The following THSD4 variants were observed in gnomAD, a reference collection of about 807,000 sequenced individuals.
The protein encoded by THSD4 is thrombospondin type-1 domain-containing protein 4.
THSD4 carries 69 observed loss-of-function variants against 119.0 expected under a neutral mutation model. The ratio of observed to expected loss-of-function variants is 0.58; its 90% CI spans 0.48 to 0.71. The LOEUF (loss-of-function observed/expected upper bound fraction) is 0.71, where lower values mean the gene tolerates loss of function less well. Among genes scored for constraint, THSD4 ranks in the 30% least tolerant of loss-of-function variants. THSD4 has a pLI of 0.00. For synonymous variants in THSD4, 524 were observed against 540.4 expected (o/e 0.97, Z 0.42); for missense variants, 1,393 against 1,391.1 (o/e 1.00, Z -0.02).
At chr15:71,577,105 A>C (rs2049463103) in intron 7 of THSD4, among the ~76,000 whole-genome samples, 2 of 147,316 alleles carry the variant, frequency 1.4e-5, no homozygotes, top group Admixed American at 6.8e-5. Context: ...AAAAAAAAAA[A>C]CCTTTAGTAC....
At chr15:71,217,701 A>T (rs1476766790) in intron 4 of THSD4, among the ~76,000 whole-genome samples, 1 of 152,052 alleles carries the variant, frequency 6.6e-6, no homozygotes, top group African/African-American at 2.4e-5. Context: ...GGAAAGACAA[A>T]TCTTGATTTT....
In THSD4 at chr15:71,511,125, A is replaced by G. The variant is rs574107260; in HGVS notation, c.1152+99302A>G. 6.6e-5 allele frequency among the ~76,000 whole-genome samples: 10 copies of G among 152,200 alleles called. No homozygotes were observed. The South Asian group carries it at 2.1e-3, about 32-fold the overall frequency. ...GTGGCTTCTGTCTTCAGCAGAGCCA[A>G]TCAAATGGAAAGGGCACCAAATAAT... On this transcript the variant is annotated intron_variant, in intron 7 of 17. Transcript: ENST00000261862.
chr15:71,410,565 T>C (rs1426538415), intron 6 of THSD4, among the ~76,000 whole-genome samples: 1 of 152,142 alleles, frequency 6.6e-6, no homozygotes, highest in African/African-American at 2.4e-5. Context: ...GCTATAAAGG[T>C]AGGCGAGGTT....
chr15:71,514,537 T>G (rs1483804747), intron 7 of THSD4, among the ~76,000 whole-genome samples: 1 of 152,242 alleles, frequency 6.6e-6, no homozygotes, highest in Non-Finnish European at 1.5e-5. Context: ...AACATAATGT[T>G]TCTGAGATCC....
chr15:71,592,405 C>T (rs1193845259), intron 7 of THSD4, among the ~76,000 whole-genome samples: 1 of 152,158 alleles, frequency 6.6e-6, no homozygotes, highest in African/African-American at 2.4e-5. Flanking sequence ...CCCTGCCGCC[C>T]CAGGAATTGA....
rs200892599 is a variant in THSD4 at position 71,560,970 on chromosome 15, C to CATTTTTT, written c.1153-99560_1153-99559insATTTTTT. Among the ~76,000 whole-genome samples, 2 of 123,990 alleles carry CATTTTTT rather than the reference C, an allele frequency of 1.6e-5. 1 individual carries two copies. The highest frequency in any genetic ancestry group is 3.4e-5 in the Non-Finnish European group (2 of 59,278). The allele number at this position is 123,990 out of a possible 152,430, so 81.3% of individuals were successfully genotyped here. ...GTTCACTAAGCATCATTCTCTTTAT[C>CATTTTTT]TTTTTTTTTTTTTTTTTTTTTTGAG... On this transcript the variant is annotated intron_variant, in intron 7 of 17. Coordinates refer to ENST00000261862, the MANE Select transcript of THSD4 (RefSeq NM_024817.3).
At chr15:71,245,682 C>A (rs183618638) in intron 5 of THSD4, among the ~76,000 whole-genome samples, 15 of 152,278 alleles carry the variant, frequency 9.9e-5, no homozygotes, top group Non-Finnish European at 2.1e-4. Context: ...CCCCTGTGCC[C>A]GGGGTTTTTA....
chr15:71,273,081 G>C (rs2044551503), intron 6 of THSD4, among the ~76,000 whole-genome samples: 1 of 152,216 alleles, frequency 6.6e-6, no homozygotes, highest in South Asian at 2.1e-4. Context: ...GTGTTGATGA[G>C]ACGTCTGCAC....
At chr15:71,391,098 G>A (rs935645451) in intron 6 of THSD4, among the ~76,000 whole-genome samples, 1 of 149,976 alleles carries the variant, frequency 6.7e-6, no homozygotes, top group Non-Finnish European at 1.5e-5. Context: ...GCACAATCTC[G>A]GCTCACTGCA....
At chr15:71,125,128 G>T (rs1243790801) in intron 1 of THSD4, among the ~76,000 whole-genome samples, 1 of 151,670 alleles carries the variant, frequency 6.6e-6, no homozygotes. Flanking sequence ...GAAGGAGAAA[G>T]GAAGGCAAGG....
intron 7 of THSD4, among the ~76,000 whole-genome samples, chr15:71,465,640 C>G (rs575275519): frequency 3.9e-5 from 6 of 152,276 alleles, no homozygotes; most frequent in African/African-American, 1.4e-4. Context: ...CCCAAGTTAC[C>G]TACATATCAA....
chr15:71,505,022 T>C (rs1344650892), intron 7 of THSD4, among the ~76,000 whole-genome samples: 1 of 152,226 alleles, frequency 6.6e-6, no homozygotes, highest in African/African-American at 2.4e-5. Flanking sequence ...ACTGGGGCTA[T>C]GGGTTTGAGG....
chr15:71,387,347 G>A (rs1282063107), intron 6 of THSD4, among the ~76,000 whole-genome samples: 2 of 152,110 alleles, frequency 1.3e-5, no homozygotes, highest in Admixed American at 1.3e-4. Context: ...AAACCAAATG[G>A]TACCCAAGAA....
At chr15:71,362,652 AAAAG>A (rs1316948436) in intron 6 of THSD4, among the ~76,000 whole-genome samples, 2 of 152,204 alleles carry the variant, frequency 1.3e-5, no homozygotes, top group Non-Finnish European at 2.9e-5. Context: ...TTTGCAATAA[AAAAG>A]AAAAATTGCA....
intron 4 of THSD4, among the ~76,000 whole-genome samples, chr15:71,219,964 T>C (rs983941516): frequency 6.6e-6 from 1 of 152,204 alleles, no homozygotes; most frequent in Non-Finnish European, 1.5e-5. Flanking sequence ...GTCTGAGCTG[T>C]GTCTTGACAA....
chr15:71,164,734 T>C, intron 3 of THSD4: 1 of 1,579,902 alleles, frequency 6.3e-7, no homozygotes, highest in African/African-American at 1.4e-5. Flanking sequence ...GTTAAATGCT[T>C]TATAGACAAG....
chr15:71,520,925 A>G (rs1339020657), intron 7 of THSD4, among the ~76,000 whole-genome samples: 1 of 152,200 alleles, frequency 6.6e-6, no homozygotes, highest in East Asian at 1.9e-4. Flanking sequence ...TGTAAATCCC[A>G]AAAGAATGAG....
At chr15:71,122,192 G>C (rs368721142) in intron 1 of THSD4, among the ~76,000 whole-genome samples, 1 of 152,206 alleles carries the variant, frequency 6.6e-6, no homozygotes, top group Non-Finnish European at 1.5e-5. Flanking sequence ...TCAGCTAAGC[G>C]GGGAGGAGCT....
chr15:71,254,021 A>G (rs2044287661), intron 5 of THSD4, among the ~76,000 whole-genome samples: 1 of 152,220 alleles, frequency 6.6e-6, no homozygotes, highest in Non-Finnish European at 1.5e-5. Context: ...ATTGAGAGAA[A>G]GGGGTTAAGC....
Sources: allele counts gnomAD v4.1 joint callset (sites outside exome capture counted in the v4.1 genomes callset), GRCh38; gene constraint gnomAD v4.1.1; transcripts MANE v1.5; gene names NCBI Gene and HGNC (gene_info 2026-07-23, HGNC 2026-07-21).